Variants in CDYL2 observed in about 807,000 individuals in gnomAD.
CDYL2 encodes chromodomain Y-like protein 2.
In CDYL2, 23 loss-of-function variants were observed where a neutral mutation model predicts 49.4. That is an observed-to-expected ratio of 0.47 (90% CI 0.34 to 0.66). The LOEUF is 0.66. Ranked by LOEUF, CDYL2 falls within the 30% of genes least tolerant of loss-of-function variation. The pLI is 0.01. For missense variants in CDYL2, 678 were observed against 656.4 expected (o/e 1.03, Z -0.36); for synonymous variants, 360 against 268.8 (o/e 1.34, Z -3.32).
chr16:80,680,910 A>T (rs961503417), intron 2 of CDYL2, among the ~76,000 whole-genome samples: 5 of 152,110 alleles, frequency 3.3e-5, no homozygotes, highest in Non-Finnish European at 5.9e-5. Flanking sequence ...GCTCCCCAAG[A>T]GATACTGAGG....
At chr16:80,656,534 T>A (rs890918552) in intron 2 of CDYL2, among the ~76,000 whole-genome samples, 1 of 152,320 alleles carries the variant, frequency 6.6e-6, no homozygotes, top group African/African-American at 2.4e-5. Context: ...GCATGCTACA[T>A]ATCTGGAAAA....
chr16:80,709,261 AG>A (rs369965199), intron 1 of CDYL2, among the ~76,000 whole-genome samples: 157 of 152,126 alleles, frequency 1.0e-3, no homozygotes, highest in African/African-American at 3.5e-3. Flanking sequence ...GTGCACCTGT[AG>A]CCCCAGCTAC....
chr16:80,686,523 A>C (rs1007409729), intron 1 of CDYL2, among the ~76,000 whole-genome samples: 2 of 152,222 alleles, frequency 1.3e-5, no homozygotes, highest in Non-Finnish European at 2.9e-5. Flanking sequence ...CAAAAAGAAA[A>C]ATAAAACAGG....
intron 1 of CDYL2, among the ~76,000 whole-genome samples, chr16:80,740,377 T>C (rs904978065): frequency 6.6e-6 from 1 of 152,220 alleles, no homozygotes; most frequent in East Asian, 1.9e-4. Flanking sequence ...GACATATGTA[T>C]TTGAGAACCA....
intron 1 of CDYL2, among the ~76,000 whole-genome samples, chr16:80,726,907 G>T (rs879867380): frequency 6.6e-6 from 1 of 152,112 alleles, no homozygotes; most frequent in Non-Finnish European, 1.5e-5. Flanking sequence ...GGCACATAAT[G>T]AGATGCTGCC....
At chr16:80,641,158 T>C (rs1333693266) in intron 2 of CDYL2, among the ~76,000 whole-genome samples, 1 of 152,084 alleles carries the variant, frequency 6.6e-6, no homozygotes, top group Non-Finnish European at 1.5e-5. Flanking sequence ...AGGCATTCAA[T>C]AGTCAAACTC....
chr16:80,670,816 C>T (rs1440201031), intron 2 of CDYL2: 11 of 437,424 alleles, frequency 2.5e-5, no homozygotes, highest in Non-Finnish European at 4.7e-5. Flanking sequence ...CCCAGGAACA[C>T]CACACCACAG....
At chr16:80,735,791 C>A (rs1197353258) in intron 1 of CDYL2, among the ~76,000 whole-genome samples, 1 of 152,210 alleles carries the variant, frequency 6.6e-6, no homozygotes, top group Admixed American at 6.5e-5. Context: ...ATTTGCATTG[C>A]CTCTTCAAAA....
At chr16:80,631,314 C>T (rs1009220116) in intron 3 of CDYL2, among the ~76,000 whole-genome samples, 10 of 152,164 alleles carry the variant, frequency 6.6e-5, no homozygotes, top group African/African-American at 2.4e-4. Flanking sequence ...TCACTGTTAT[C>T]GCCATTTACC....
At chr16:80,714,946 G>A (rs776021068) in intron 1 of CDYL2, among the ~76,000 whole-genome samples, 3 of 152,118 alleles carry the variant, frequency 2.0e-5, no homozygotes, top group Non-Finnish European at 2.9e-5. Context: ...GTAGGATGTA[G>A]TCAAAGCCTC....
chr16:80,656,237 G>A (rs16953755), intron 2 of CDYL2, among the ~76,000 whole-genome samples: 3,927 of 152,308 alleles, frequency 0.026, 138 homozygotes, highest in African/African-American at 0.07. Context: ...AGGACACCAA[G>A]GCATTCAAAA....
At chr16:80,607,009 G>C (rs958820637) in intron 6 of CDYL2, among the ~76,000 whole-genome samples, 4 of 152,144 alleles carry the variant, frequency 2.6e-5, no homozygotes, top group Admixed American at 2.6e-4. Context: ...GAGAACAATA[G>C]GGTTTCCTGG....
intron 1 of CDYL2, among the ~76,000 whole-genome samples, chr16:80,727,568 A>G (rs958740473): frequency 1.3e-5 from 2 of 152,240 alleles, no homozygotes; most frequent in South Asian, 4.1e-4. Context: ...CAAAGCAGCC[A>G]GGAAGCTCGA....
intron 2 of CDYL2, among the ~76,000 whole-genome samples, chr16:80,650,974 C>T (rs532723127): frequency 4.6e-5 from 5 of 108,146 alleles, no homozygotes; most frequent in Admixed American, 2.8e-4. Flanking sequence ...CTGGGAAGGG[C>T]GGGGGGCGGG....
At chr16:80,630,584 T>C (rs1231307999) in intron 3 of CDYL2, among the ~76,000 whole-genome samples, 1 of 151,358 alleles carries the variant, frequency 6.6e-6, no homozygotes, top group Admixed American at 6.6e-5. Flanking sequence ...GCTCTGGGCT[T>C]CTTTGAATCC....
chr16:80,741,891 T>G (rs1029819851), intron 1 of CDYL2, among the ~76,000 whole-genome samples: 2 of 152,212 alleles, frequency 1.3e-5, no homozygotes, highest in African/African-American at 4.8e-5. Flanking sequence ...TGAAAAACCT[T>G]TGAAAGAGTT....
intron 2 of CDYL2, among the ~76,000 whole-genome samples, chr16:80,675,073 G>A (rs1909687905): frequency 2.0e-5 from 3 of 152,334 alleles, no homozygotes; most frequent in Admixed American, 2.0e-4. Flanking sequence ...CACCTCCCTG[G>A]AATGCCAAGT....
chr16:80,645,441 T>C (rs1161506481), intron 2 of CDYL2, among the ~76,000 whole-genome samples: 2 of 152,078 alleles, frequency 1.3e-5, no homozygotes, highest in Non-Finnish European at 2.9e-5. Flanking sequence ...TGAGATACCA[T>C]CTCATGCCAG....
chr16:80,734,090 C>T (rs554024526), intron 1 of CDYL2, among the ~76,000 whole-genome samples: 11 of 152,186 alleles, frequency 7.2e-5, no homozygotes, highest in African/African-American at 2.6e-4. Flanking sequence ...ATACCAAGAC[C>T]CCATACTTCC....
Sources: allele counts gnomAD v4.1 joint callset (sites outside exome capture counted in the v4.1 genomes callset), GRCh38; gene constraint gnomAD v4.1.1; transcripts MANE v1.5; gene names NCBI Gene and HGNC (gene_info 2026-07-23, HGNC 2026-07-21).